The following CDHR1 variants were observed in gnomAD, a reference collection of about 807,000 sequenced individuals.
CDHR1 encodes the protein cadherin-related family member 1.
Under a neutral mutation model 72.1 loss-of-function variants are expected in CDHR1, and 61 were observed. The ratio of observed to expected loss-of-function variants is 0.85; its 90% CI spans 0.69 to 1.05. CDHR1 has a LOEUF of 1.05. CDHR1 is among the 50% of genes least tolerant of loss of function. CDHR1 has a pLI of 0.00. For synonymous variants in CDHR1, 470 were observed against 448.1 expected, an observed-to-expected ratio of 1.05 and a Z score of -0.62; for missense variants, 1,186 against 1,115.7, an observed-to-expected ratio of 1.06 and a Z score of -0.90.
At chr10:84,197,922 T>C in intron 4 of CDHR1, 86 bp downstream of exon 4, 1 of 1,314,214 alleles carries the variant, frequency 7.6e-7, no homozygotes, top group East Asian at 2.3e-5. Context: ...TCCCCAAGCC[T>C]TCATGGGGGC....
Position 84,217,333 on chromosome 10 carries a change from A to T in CDHR1, c.*2712A>T. ...TTCCTGGCCCTGAGAATGGAGCTGT[A>T]GCCTCATGGACAATAAATGGATGTG... On this transcript the variant is annotated 3_prime_UTR_variant, in exon 17 of 17. Transcript: ENST00000623527. 1.0e-6 allele frequency: 1 copy of T among 985,498 alleles called. No homozygotes were observed. The highest frequency in any genetic ancestry group is 1.2e-6 in the Non-Finnish European group (1 of 829,950). 61.0% of individuals were successfully genotyped at this position (985,498 alleles called of 1,614,324 possible).
At chr10:84,198,973 C>T in intron 4 of CDHR1, 59 bp from the exon 5 acceptor site, 2 of 1,265,120 alleles carry the variant, frequency 1.6e-6, no homozygotes, top group Admixed American at 2.0e-5. Flanking sequence ...AGGTCGCTAT[C>T]CATTCATCCT....
In CDHR1 at chr10:84,209,986, G is replaced by T. The variant is rs542453054; in HGVS notation, c.1321-1015G>T. On this transcript the variant is annotated intron_variant, in intron 12 of 16. Coordinates refer to ENST00000623527, the MANE Select transcript of CDHR1 (RefSeq NM_033100.4). ...TGTAATTCCAGCACTTTGGGAGGCC[G>T]AGGGGGACAGATCGCTTGAGCCCAA... 2.0e-5 allele frequency among the ~76,000 whole-genome samples: 3 copies of T among 152,298 alleles called. No individual in the cohort carries two copies. In the East Asian group the frequency reaches 5.8e-4, roughly 29 times the overall value.
In CDHR1 at chr10:84,210,354, C is replaced by T. The variant is rs575920860; in HGVS notation, c.1321-647C>T. 1.2e-3 allele frequency among the ~76,000 whole-genome samples: 178 copies of T among 152,158 alleles called. 1 individual carries two copies. The highest frequency in any genetic ancestry group is 3.1e-3 in the South Asian group (15 of 4,826). ...AATATTGGCTCACTGAAAACTCTGC[C>T]TCCCAGGTTTAAGTGATTCTCGTGC... is the stretch of plus-strand genomic sequence containing the variant. On this transcript the variant is annotated intron_variant, in intron 12 of 16. Coordinates refer to ENST00000623527, the MANE Select transcript of CDHR1 (RefSeq NM_033100.4).
chr10:84,201,943 C>A, intron 7 of CDHR1, 23 bp downstream of exon 7: 1 of 1,538,190 alleles, frequency 6.5e-7, no homozygotes. Flanking sequence ...GACAGGGGAG[C>A]ATCCAGTGTC....
chr10:84,219,434 C>T, downstream of CDHR1: 1 of 1,244,076 alleles, frequency 8.0e-7, no homozygotes. Context: ...CTCATCCTGA[C>T]CCCTCTGTCT....
chr10:84,216,504 A>G lies in CDHR1; in HGVS notation c.*1883A>G, dbSNP rs1472716671. The stretch of plus-strand genomic sequence containing the variant: ...AATCAACCTCTTTTGTAAATGGAAA[A>G]TAAAGTCTGTTACCCAAAGGCCATG... On this transcript the variant is annotated 3_prime_UTR_variant, in exon 17 of 17. Transcript: ENST00000623527. 2.0e-6 allele frequency: 2 copies of G among 985,524 alleles called. No homozygotes were observed. Among genetic ancestry groups the G allele is most frequent in the African/African-American group, 3.5e-5 (2 of 57,386 alleles). The allele number at this position is 985,524 out of a possible 1,614,324, so 61.0% of individuals were successfully genotyped here.
chr10:84,200,725 C>A lies in CDHR1; in HGVS notation c.525+38C>A. On this transcript the variant is annotated intron_variant, in intron 6 of 16. Coordinates refer to ENST00000623527, the MANE Select transcript of CDHR1 (RefSeq NM_033100.4). The stretch of plus-strand genomic sequence containing the variant: ...ACACAGGACCTAACCTGGGGCTGGG[C>A]CGGAGGGGACACCTAGATGGCCCCT... 2.0e-6 allele frequency: 3 copies of A among 1,476,734 alleles called. No individual in the cohort carries two copies. In the South Asian group the frequency reaches 3.5e-5, roughly 17 times the overall value. 91.5% of individuals were successfully genotyped at this position (1,476,734 alleles called of 1,614,324 possible).
chr10:84,210,380 C>T (rs1054503135), intron 12 of CDHR1, among the ~76,000 whole-genome samples: 1 of 152,096 alleles, frequency 6.6e-6, no homozygotes. Flanking sequence ...ATTCTCGTGC[C>T]TCAGCCTCCC....
intron 9 of CDHR1, among the ~76,000 whole-genome samples, chr10:84,205,456 C>T (rs1030634823): frequency 2.6e-5 from 4 of 151,996 alleles, no homozygotes. Context: ...CTTCTTTCCC[C>T]CCTCCCCTTC....
At position 84,201,810 on chromosome 10, in the gene CDHR1, C is replaced by T. The variant is rs1412336962; in HGVS notation, c.529C>T (p.Leu177=). 5 of 1,609,900 alleles carry T rather than the reference C, an allele frequency of 3.1e-6. No homozygotes were observed. The Admixed American group carries it at 5.0e-5, about 16-fold the overall frequency. Residue 177 remains leucine (L), a synonymous_variant, in exon 7 of 17, where the codon CTG becomes TTG. Coordinates refer to ENST00000623527, the MANE Select transcript of CDHR1 (RefSeq NM_033100.4). ...GGSVTYFLQN[L]HSPFAVDRHS... is the part of the protein sequence containing the mutation. The stretch of plus-strand genomic sequence containing the variant: ...AGCTGCCCCCTAATTCTTATAGAAC[C>T]TGCACTCCCCATTTGCCGTGGACCG...
Position 84,214,835 on chromosome 10 carries a change from G to T in CDHR1, c.*214G>T. On this transcript the variant is annotated 3_prime_UTR_variant, in exon 17 of 17. Transcript: ENST00000623527. ...TAGTCAGGGCCTTGGGCAAGACATT[G>T]GGCTCTAGGATGCAATTGGCAAATA... 6.8e-7 allele frequency: 1 copy of T among 1,478,556 alleles called. No homozygotes were observed. The highest frequency in any genetic ancestry group is 1.4e-5 in the South Asian group (1 of 72,206). The allele number at this position is 1,478,556 out of a possible 1,614,324, so 91.6% of individuals were successfully genotyped here.
chr10:84,200,859 C>T (rs983627284), intron 6 of CDHR1, among the ~76,000 whole-genome samples, 172 bp downstream of exon 6: 5 of 152,156 alleles, frequency 3.3e-5, no homozygotes, highest in Admixed American at 3.3e-4. Context: ...GCCTTCTTCC[C>T]CTGATGGGCC....
At chr10:84,208,498 A>G in intron 11 of CDHR1, 121 bp downstream of exon 11, 1 of 1,157,650 alleles carries the variant, frequency 8.6e-7, no homozygotes, top group Non-Finnish European at 1.3e-6. Context: ...GGGCCACAAA[A>G]TGAATGAAAC....
At chr10:84,212,129 A>C in intron 14 of CDHR1, 50 bp from the exon 15 acceptor site, 1 of 1,469,260 alleles carries the variant, frequency 6.8e-7, no homozygotes, top group South Asian at 1.1e-5. Flanking sequence ...GTATGTATGC[A>C]CATATGTGTA....
At chr10:84,205,988 G>T (rs982260753) in intron 10 of CDHR1, 61 bp downstream of exon 10, 5 of 1,302,710 alleles carry the variant, frequency 3.8e-6, no homozygotes, top group Admixed American at 1.8e-5. Flanking sequence ...CTATAAAGGT[G>T]AAGACACCCA....
Position 84,204,558 on chromosome 10 carries a change from A to G in CDHR1, c.815A>G (p.Asp272Gly), listed in dbSNP as rs763184270. 29 of 1,613,768 alleles carry G rather than the reference A, an allele frequency of 1.8e-5. No individual in the cohort carries two copies. Among genetic ancestry groups the G allele is most frequent in the Non-Finnish European group, 2.3e-5 (27 of 1,179,770 alleles). ...GAGGTACTGAAGGTGGTCGCCATGG[A>G]TGGAGACCGGGGCAAACCCAATCGA... ...GSEVLKVVAM[D>G]GDRGKPNRIL... Residue 272 changes from aspartate to glycine, a missense_variant, in exon 9 of 17, where the codon GAT becomes GGT. Transcript: ENST00000623527.
chr10:84,206,014 G>A (rs1354857475), intron 10 of CDHR1, 87 bp downstream of exon 10: 1 of 983,692 alleles, frequency 1.0e-6, no homozygotes, highest in African/African-American at 1.6e-5. Flanking sequence ...TTTTTCCTGG[G>A]GCCCATAGTC....
At chr10:84,203,364 A>C (rs1842166433) in intron 8 of CDHR1, among the ~76,000 whole-genome samples, 2 of 152,176 alleles carry the variant, frequency 1.3e-5, no homozygotes, top group African/African-American at 4.8e-5. Context: ...GCTACAGCTT[A>C]AGAACTCTGT....
Sources: gnomAD v4.1 joint callset for allele counts (sites outside exome capture counted in the v4.1 genomes callset) on GRCh38, gnomAD v4.1.1 for gene constraint, MANE v1.5 for transcripts, NCBI Gene and HGNC (gene_info 2026-07-23, HGNC 2026-07-21) for gene names.